The following CFAP299 variants were observed in gnomAD, a reference collection of about 807,000 sequenced individuals.
The protein encoded by CFAP299 is cilia and flagella associated protein 299.
CFAP299 carries 21 observed loss-of-function variants against 27.0 expected under a neutral mutation model. The observed-to-expected ratio is 0.78, with a 90% CI of 0.55 to 1.12. The LOEUF is 1.12. CFAP299 is among the 50% of genes most tolerant of loss of function. The pLI is 0.00. For missense variants in CFAP299, 310 were observed against 276.6 expected, an observed-to-expected ratio of 1.12 and a Z score of -0.86; for synonymous variants, 104 against 98.1, an observed-to-expected ratio of 1.06 and a Z score of -0.36.
At position 80,335,858 on chromosome 4, in the gene CFAP299, T is replaced by C. The variant is rs754747383; in HGVS notation, c.90T>C (p.Thr30=). 5 of 1,610,882 alleles carry C rather than the reference T, an allele frequency of 3.1e-6. No individual in the cohort carries two copies. In the African/African-American group the frequency reaches 5.3e-5, roughly 17 times the overall value. Residue 30 remains threonine, a synonymous_variant, in exon 1 of 6, where the codon ACT becomes ACC. Transcript: ENST00000358105. ...YEDFLDSQIT[T]VDLYYLEDET... ...ATTTCCTGGACTCGCAGATCACTAC[T>C]GTGGACTTGTACTACCTGGAGGTAA... is the stretch of plus-strand genomic sequence containing the variant.
intron 4 of CFAP299, among the ~76,000 whole-genome samples, chr4:80,877,250 C>A (rs1733429954): frequency 6.6e-6 from 1 of 151,980 alleles, no homozygotes; most frequent in Non-Finnish European, 1.5e-5. Context: ...TTTAATTTTC[C>A]AATACTTAAC....
chr4:80,814,412 G>A (rs1025634340), intron 3 of CFAP299, among the ~76,000 whole-genome samples: 1 of 151,912 alleles, frequency 6.6e-6, no homozygotes, highest in African/African-American at 2.4e-5. Context: ...CCATTTAAAG[G>A]CATTTTTCCA....
chr4:80,324,513 T>C, the CFAP299 span, among the ~76,000 whole-genome samples: 1 of 152,202 alleles, frequency 6.6e-6, no homozygotes. Context: ...TATTAATGCA[T>C]TTAGTTATTG....
At chr4:80,605,266 A>G (rs1367930211) in intron 3 of CFAP299, among the ~76,000 whole-genome samples, 1 of 152,196 alleles carries the variant, frequency 6.6e-6, no homozygotes, top group Non-Finnish European at 1.5e-5. Context: ...TTTGAACAAC[A>G]TTTAGTTTTC....
At chr4:80,801,121 G>T (rs1206166727) in intron 3 of CFAP299, among the ~76,000 whole-genome samples, 2 of 150,764 alleles carry the variant, frequency 1.3e-5, no homozygotes, top group Non-Finnish European at 2.9e-5. Context: ...GACACACCCA[G>T]AATCAATACT....
intron 3 of CFAP299, among the ~76,000 whole-genome samples, chr4:80,734,994 A>C (rs1286503557): frequency 6.6e-6 from 1 of 152,146 alleles, no homozygotes; most frequent in African/African-American, 2.4e-5. Flanking sequence ...GAAAAATGTC[A>C]CTGGTATTTT....
chr4:80,871,513 A>AT (rs1158331397), intron 4 of CFAP299: 1 of 985,272 alleles, frequency 1.0e-6, no homozygotes, highest in Non-Finnish European at 1.2e-6. Context: ...TCAAAATTAA[A>AT]TTCATTTTAA....
intron 5 of CFAP299, among the ~76,000 whole-genome samples, chr4:80,959,805 A>G (rs1352655987): frequency 6.6e-6 from 1 of 152,018 alleles, no homozygotes; most frequent in African/African-American, 2.4e-5. Flanking sequence ...AGATCCAATT[A>G]TGAATGGCAA....
chr4:80,409,035 T>A (rs1726576798), intron 2 of CFAP299, among the ~76,000 whole-genome samples: 1 of 144,608 alleles, frequency 6.9e-6, no homozygotes. Context: ...ATGAGACTCT[T>A]TCAAAAAAAA....
chr4:80,676,839 CTCTT>C (rs1441687971), intron 3 of CFAP299, among the ~76,000 whole-genome samples: 2 of 151,936 alleles, frequency 1.3e-5, no homozygotes, highest in African/African-American at 2.4e-5. Flanking sequence ...TGGGTCCTCT[CTCTT>C]CTTATGTTAG....
intron 3 of CFAP299, among the ~76,000 whole-genome samples, chr4:80,798,693 A>G (rs1189921917): frequency 6.6e-6 from 1 of 152,082 alleles, no homozygotes; most frequent in African/African-American, 2.4e-5. Context: ...AGGAGTTAGA[A>G]TCCCTGAGTT....
At position 80,395,692 on chromosome 4, in the gene CFAP299, T is replaced by G. The variant is rs564901113; in HGVS notation, c.242+32808T>G. 1.6e-4 allele frequency among the ~76,000 whole-genome samples: 25 copies of G among 152,260 alleles called. No homozygotes were observed. The East Asian group carries it at 1.9e-3, about 12-fold the overall frequency. ...TTAGATAAAAGATCTGATTTAAAAA[T>G]GGGATGATGTAAGTAAACTTCTGGC... On this transcript the variant is annotated intron_variant, in intron 2 of 5. Coordinates refer to ENST00000358105, the MANE Select transcript of CFAP299 (RefSeq NM_152770.3).
At chr4:80,777,103 G>A (rs1292045661) in intron 3 of CFAP299, among the ~76,000 whole-genome samples, 1 of 151,984 alleles carries the variant, frequency 6.6e-6, no homozygotes, top group African/African-American at 2.4e-5. Flanking sequence ...CCAGATTGCA[G>A]TTTTCAGGTG....
chr4:80,937,308 C>CTTTTTTTTTTTTTTTTTTTTTT (rs1736948672), intron 4 of CFAP299, among the ~76,000 whole-genome samples: 2 of 90,818 alleles, frequency 2.2e-5, no homozygotes, highest in East Asian at 3.5e-4. Context: ...CTTTTTTTTT[C>CTTTTTTTTTTTTTTTTTTTTTT]TTTCTTTTTT....
At chr4:80,886,789 T>C (rs1733993684) in intron 4 of CFAP299, among the ~76,000 whole-genome samples, 1 of 152,076 alleles carries the variant, frequency 6.6e-6, no homozygotes, top group Admixed American at 6.5e-5. Context: ...GACAGATAGT[T>C]CAAAATGGCT....
At chr4:80,886,802 T>C (rs1015641474) in intron 4 of CFAP299, among the ~76,000 whole-genome samples, 33 of 152,116 alleles carry the variant, frequency 2.2e-4, no homozygotes, top group Non-Finnish European at 3.1e-4. Flanking sequence ...AAATGGCTGT[T>C]AGGAGAAAAC....
At chr4:80,588,326 G>T (rs1336338802) in intron 3 of CFAP299, among the ~76,000 whole-genome samples, 3 of 150,734 alleles carry the variant, frequency 2.0e-5, no homozygotes, top group African/African-American at 7.5e-5. Context: ...AGATCTAAGA[G>T]GGACACTACC....
intron 3 of CFAP299, among the ~76,000 whole-genome samples, chr4:80,680,866 C>G (rs916091902): frequency 6.6e-6 from 1 of 152,130 alleles, no homozygotes; most frequent in African/African-American, 2.4e-5. Context: ...AAAAGAGAAG[C>G]CTGCCCCTTT....
chr4:80,741,653 G>T (rs187533152), intron 3 of CFAP299, among the ~76,000 whole-genome samples: 1 of 152,242 alleles, frequency 6.6e-6, no homozygotes, highest in African/African-American at 2.4e-5. Flanking sequence ...CCTTGGGTTG[G>T]GGGGAGGGAT....
Sources: allele counts gnomAD v4.1 joint callset (sites outside exome capture counted in the v4.1 genomes callset), GRCh38; gene constraint gnomAD v4.1.1; transcripts MANE v1.5; gene names NCBI Gene and HGNC (gene_info 2026-07-23, HGNC 2026-07-21).